The following PLXNA1 variants were observed in gnomAD, a reference collection of about 807,000 sequenced individuals.
PLXNA1 encodes plexin A1.
In PLXNA1, 77 loss-of-function variants were observed where a neutral mutation model predicts 191.7. The observed-to-expected ratio is 0.40, with a 90% CI of 0.33 to 0.49. PLXNA1 has a LOEUF of 0.49. Among genes scored for constraint, PLXNA1 ranks in the 20% least tolerant of loss-of-function variants. PLXNA1 has a pLI of 0.63. For synonymous variants in PLXNA1, 1,137 were observed against 1,156.4 expected, an observed-to-expected ratio of 0.98 and a Z score of 0.34; for missense variants, 2,110 against 2,660.2, an observed-to-expected ratio of 0.79 and a Z score of 4.55.
intron 2 of PLXNA1, among the ~76,000 whole-genome samples, chr3:126,990,767 G>C (rs1203331547): frequency 6.6e-6 from 1 of 152,186 alleles, no homozygotes; most frequent in African/African-American, 2.4e-5. Context: ...TGGCAGATGC[G>C]GTTGTCCACC....
At chr3:127,009,708 A>T (rs1204828484) in intron 9 of PLXNA1, among the ~76,000 whole-genome samples, 1 of 151,944 alleles carries the variant, frequency 6.6e-6, no homozygotes, top group Non-Finnish European at 1.5e-5. Flanking sequence ...CCATGCTGGG[A>T]GGGGGTCTCT....
intron 3 of PLXNA1, among the ~76,000 whole-genome samples, chr3:126,993,106 G>A (rs2078999356): frequency 6.6e-6 from 1 of 152,176 alleles, no homozygotes; most frequent in South Asian, 2.1e-4. Flanking sequence ...GCACCGTTTG[G>A]GTCAGAGCTT....
At chr3:127,020,577 G>C (rs577311551) in intron 21 of PLXNA1, among the ~76,000 whole-genome samples, 7 of 152,260 alleles carry the variant, frequency 4.6e-5, no homozygotes, top group African/African-American at 1.4e-4. Flanking sequence ...CAGGGGAATG[G>C]CCAGCACGGC....
At position 127,014,054 on chromosome 3, in the gene PLXNA1, C is replaced by T. The variant is rs1559961038; in HGVS notation, c.2348C>T (p.Pro783Leu). ...SYEGNDVSDLPVNLSVVWNGN... is the reference protein window; with the variant it reads ...SYEGNDVSDLLVNLSVVWNGN... ...GAGGGGAACGATGTCAGCGACCTGC[C>T]AGTGAACCTGTCAGTCGTGTGGAAC... Residue 783 changes from proline (P) to leucine (L), a missense_variant, in exon 11 of 32, where the codon CCA becomes CTA. Transcript: ENST00000393409. 1 of 1,613,998 alleles carries T rather than the reference C, an allele frequency of 6.2e-7. No individual in the cohort carries two copies. The highest frequency in any genetic ancestry group is 8.5e-7 in the Non-Finnish European group (1 of 1,179,982).
intron 3 of PLXNA1, 140 bp from the exon 4 acceptor site, chr3:127,003,190 A>G (rs987072552): frequency 1.6e-4 from 142 of 898,774 alleles, no homozygotes; most frequent in East Asian, 2.1e-4. Context: ...GAGAGTGAGT[A>G]TGGCTGGCGC....
chr3:126,989,730 T>C lies in PLXNA1; in HGVS notation c.1137T>C (p.Gly379=), dbSNP rs2078981592. The change falls in exon 2 of 32, where the codon GGT becomes GGC. Residue 379 remains glycine, a synonymous_variant. Transcript: ENST00000393409. ...IKERIQSCYR[G]EGKLSLPWLL... Reference sequence around the variant, plus strand: ...AGCGCATCCAGTCCTGCTACCGTGGTGAGGGCAAGCTCTCCCTGCCGTGGC... The same window carrying C: ...AGCGCATCCAGTCCTGCTACCGTGGCGAGGGCAAGCTCTCCCTGCCGTGGC... The C allele has an allele frequency of 1.2e-6, 2 of 1,612,938 alleles. No homozygotes were observed. Among genetic ancestry groups the C allele is most frequent in the Admixed American group, 3.3e-5 (2 of 60,002 alleles).
intron 3 of PLXNA1, among the ~76,000 whole-genome samples, chr3:126,996,973 C>T (rs549330205): frequency 7.9e-5 from 12 of 152,302 alleles, no homozygotes; most frequent in African/African-American, 2.9e-4. Flanking sequence ...AGGCACCTAC[C>T]ATCCCCGGCA....
intron 3 of PLXNA1, among the ~76,000 whole-genome samples, chr3:126,992,134 T>G (rs867614167): frequency 2.0e-5 from 3 of 152,086 alleles, no homozygotes; most frequent in Non-Finnish European, 4.4e-5. Flanking sequence ...GAGGGCTAGG[T>G]GCTACAGGGA....
intron 4 of PLXNA1, among the ~76,000 whole-genome samples, chr3:127,003,729 A>C (rs1343667440): frequency 2.0e-5 from 3 of 152,212 alleles, no homozygotes; most frequent in Non-Finnish European, 4.4e-5. Flanking sequence ...TGGGTTTGGC[A>C]TTCCCACCCC....
At position 127,014,883 on chromosome 3, in the gene PLXNA1, G is replaced by A. The variant is rs759934001; in HGVS notation, c.2877+52G>A. The A allele has an allele frequency of 1.1e-4, 182 of 1,582,930 alleles. No homozygotes were observed. The Admixed American group carries it at 3.0e-3, about 26-fold the overall frequency. ...CTATTCTCTGCTGCTCTGAGAGGGTGCCGCTCAGGGCTTCTGTGCCTCTTC... is the reference window on the plus strand; with the variant it reads ...CTATTCTCTGCTGCTCTGAGAGGGTACCGCTCAGGGCTTCTGTGCCTCTTC... On this transcript the variant is annotated intron_variant, in intron 14 of 31. Coordinates refer to ENST00000393409, the MANE Select transcript of PLXNA1 (RefSeq NM_032242.4).
intron 21 of PLXNA1, 68 bp from the exon 22 acceptor site, chr3:127,022,017 C>T (rs2079153989): frequency 1.9e-6 from 3 of 1,564,514 alleles, no homozygotes; most frequent in East Asian, 4.5e-5. Context: ...TGGACAGCCC[C>T]TCACTGGTCA....
chr3:127,025,760 T>A (rs1183566537), intron 23 of PLXNA1, among the ~76,000 whole-genome samples: 1 of 152,248 alleles, frequency 6.6e-6, no homozygotes, highest in Non-Finnish European at 1.5e-5. Flanking sequence ...CAGGTGTCCA[T>A]CGACAGATGA....
rs1559969279 is a variant in PLXNA1, at chr3:127,036,350, GGTGGGGACGGCA to G, written c.*2338_*2349del. The G allele has an allele frequency of 6.5e-6, 1 of 152,680 alleles. No individual in the cohort carries two copies. Among genetic ancestry groups the G allele is most frequent in the African/African-American group, 2.4e-5 (1 of 41,468 alleles). 9.5% of individuals were successfully genotyped at this position (152,680 alleles called of 1,614,324 possible). On this transcript the variant is annotated 3_prime_UTR_variant, in exon 32 of 32. Transcript: ENST00000393409. ...GTCCATGTGAGTAGCATGGGCGGGTGGTGGGGACGGCAGTGGTGATGAAGGGGGTGCACCACA... is the reference window on the plus strand; with the variant it reads ...GTCCATGTGAGTAGCATGGGCGGGTGGTGGTGATGAAGGGGGTGCACCACA...
Position 127,014,072 on chromosome 3 carries a change from T to TGCCA in PLXNA1, c.2367_2368insCCAG (p.Trp790ProfsTer9). 1 of 1,613,964 alleles carries TGCCA rather than the reference T, an allele frequency of 6.2e-7. No individual in the cohort carries two copies. Among genetic ancestry groups the TGCCA allele is most frequent in the Non-Finnish European group, 8.5e-7 (1 of 1,179,972 alleles). On this transcript the variant is annotated frameshift_variant, in exon 11 of 32. Coordinates refer to ENST00000393409, the MANE Select transcript of PLXNA1 (RefSeq NM_032242.4). LOFTEE classifies it high-confidence loss of function. ...GACCTGCCAGTGAACCTGTCAGTCG[T>TGCCA]GTGGAACGGCAACTTTGTCATTGAC...
intron 3 of PLXNA1, among the ~76,000 whole-genome samples, chr3:126,997,439 G>A (rs1005659577): frequency 5.3e-5 from 8 of 152,194 alleles, no homozygotes; most frequent in African/African-American, 9.7e-5. Context: ...CACCGGGTCC[G>A]TCTTTGCTGT....
chr3:127,000,592 A>G (rs1225144577), intron 3 of PLXNA1, among the ~76,000 whole-genome samples: 1 of 152,152 alleles, frequency 6.6e-6, no homozygotes, highest in African/African-American at 2.4e-5. Flanking sequence ...TCCCAGGTGC[A>G]GTTGCGGGTC....
At chr3:126,984,915 A>G (rs549330898) in intron 1 of PLXNA1, among the ~76,000 whole-genome samples, 39 of 152,340 alleles carry the variant, frequency 2.6e-4, no homozygotes, top group African/African-American at 8.9e-4. Flanking sequence ...CAGGACTCCA[A>G]GGCCTTCAGA....
rs1252436035 is a variant in PLXNA1, at chr3:127,028,017, C to T, written c.4440C>T (p.Ile1480=). 1.9e-6 allele frequency: 3 copies of T among 1,614,042 alleles called. No homozygotes were observed. The highest frequency in any genetic ancestry group is 2.2e-5 in the South Asian group (2 of 91,088). ...TGGAGAAGGGCCCCATTGACGCCATCACGGGTGAGGCACGCTACTCCCTGA... is the reference window on the plus strand; with the variant it reads ...TGGAGAAGGGCCCCATTGACGCCATTACGGGTGAGGCACGCTACTCCCTGA... The part of the protein sequence containing the change: ...QQMEKGPIDA[I]TGEARYSLSE... Residue 1480 remains isoleucine (I), a synonymous_variant, in exon 24 of 32, where the codon ATC becomes ATT. Coordinates refer to ENST00000393409, the MANE Select transcript of PLXNA1 (RefSeq NM_032242.4).
intron 23 of PLXNA1, chr3:127,027,368 C>G: frequency 2.9e-6 from 1 of 339,296 alleles, no homozygotes; most frequent in Non-Finnish European, 5.7e-6. Context: ...GGGCAAGCCT[C>G]CTCAGGTGGG....
Sources: allele counts gnomAD v4.1 joint callset (sites outside exome capture counted in the v4.1 genomes callset), GRCh38; gene constraint gnomAD v4.1.1; transcripts MANE v1.5; gene names NCBI Gene and HGNC (gene_info 2026-07-23, HGNC 2026-07-21).